The following DISP1 variants were observed in gnomAD, a reference collection of about 807,000 sequenced individuals.
The protein encoded by DISP1 is dispatched RND transporter family member 1.
In DISP1, 30 loss-of-function variants were observed where a neutral mutation model predicts 37.3. The ratio of observed to expected loss-of-function variants is 0.80; its 90% CI spans 0.60 to 1.09. The LOEUF is 1.09. Ranked by LOEUF, DISP1 falls within the 50% of genes least tolerant of loss-of-function variation. The pLI is 0.00. For synonymous variants in DISP1, 634 were observed against 690.2 expected (o/e 0.92, Z 1.28); for missense variants, 1,598 against 1,879.5 (o/e 0.85, Z 2.77).
At chr1:222,936,880 A>ATATATTATT (rs1558340337) in intron 2 of DISP1, among the ~76,000 whole-genome samples, 7 of 57,744 alleles carry the variant, frequency 1.2e-4, no homozygotes, top group African/African-American at 4.5e-4. Flanking sequence ...CATATATATG[A>ATATATTATT]TATATATAAT....
intron 4 of DISP1, 92 bp downstream of exon 4, chr1:222,983,201 A>T: frequency 4.0e-6 from 4 of 991,610 alleles, no homozygotes; most frequent in Non-Finnish European, 3.2e-6. Flanking sequence ...TGTTCTTTTC[A>T]CTTTCCTCAT....
chr1:222,896,151 TG>T (rs551462847), intron 1 of DISP1, among the ~76,000 whole-genome samples: 6 of 151,054 alleles, frequency 4.0e-5, no homozygotes, highest in Non-Finnish European at 8.8e-5. Flanking sequence ...TCTCTACAAA[TG>T]AAAAAAATTA....
chr1:222,934,336 G>A (rs1282249056), intron 2 of DISP1, among the ~76,000 whole-genome samples: 1 of 151,950 alleles, frequency 6.6e-6, no homozygotes, highest in African/African-American at 2.4e-5. Context: ...GTGAAAAAAG[G>A]GGCTTGACAT....
At chr1:222,941,204 A>G (rs1674362914) in intron 2 of DISP1, among the ~76,000 whole-genome samples, 1 of 152,166 alleles carries the variant, frequency 6.6e-6, no homozygotes, top group Non-Finnish European at 1.5e-5. Flanking sequence ...GCTAGTTTAG[A>G]TAATACATTA....
Position 222,838,314 on chromosome 1 carries a change from C to T in DISP1, c.-159+23236C>T, listed in dbSNP as rs889098267. On this transcript the variant is annotated intron_variant, in intron 1 of 8. Transcript: ENST00000675850. ...ATGGGAAATTATCTTGTATTATATCCCTGATAATTTTTATTCCCATTTTTT... is the reference window on the plus strand; with the variant it reads ...ATGGGAAATTATCTTGTATTATATCTCTGATAATTTTTATTCCCATTTTTT... Among the ~76,000 whole-genome samples, 19 of 151,754 alleles carry T rather than the reference C, an allele frequency of 1.3e-4. 1 individual carries two copies. Among genetic ancestry groups the T allele is most frequent in the Admixed American group, 3.3e-4 (5 of 15,230 alleles).
intron 1 of DISP1, among the ~76,000 whole-genome samples, chr1:222,921,124 A>C (rs1672786523): frequency 6.6e-6 from 1 of 152,176 alleles, no homozygotes; most frequent in African/African-American, 2.4e-5. Flanking sequence ...ACCCTGGGCA[A>C]CATGGTGAAA....
chr1:222,840,738 A>G (rs1393664524), intron 1 of DISP1, among the ~76,000 whole-genome samples: 1 of 150,872 alleles, frequency 6.6e-6, no homozygotes, highest in African/African-American at 2.4e-5. Flanking sequence ...AATTTTTTGT[A>G]TTTTTAGTAG....
intron 1 of DISP1, among the ~76,000 whole-genome samples, chr1:222,867,263 ATTG>A (rs1669246763): frequency 6.6e-6 from 1 of 152,158 alleles, no homozygotes; most frequent in Non-Finnish European, 1.5e-5. Context: ...AATCATTTTT[ATTG>A]TTTTCAAGAT....
At chr1:222,873,758 A>G (rs1314256644) in intron 1 of DISP1, among the ~76,000 whole-genome samples, 1 of 152,146 alleles carries the variant, frequency 6.6e-6, no homozygotes, top group African/African-American at 2.4e-5. Flanking sequence ...TAATTGGAGC[A>G]TTTAGCCCAT....
chr1:222,822,372 C>T (rs1398029476), intron 1 of DISP1, among the ~76,000 whole-genome samples: 1 of 152,152 alleles, frequency 6.6e-6, no homozygotes, highest in African/African-American at 2.4e-5. Context: ...TTAAGCTTGA[C>T]AAGAACCTCT....
intron 3 of DISP1, among the ~76,000 whole-genome samples, chr1:222,959,713 A>AG (rs1414665822): frequency 1.7e-4 from 25 of 150,462 alleles, no homozygotes; most frequent in East Asian, 5.8e-4. Flanking sequence ...AAAAAAAAAA[A>AG]AAAGAAAGAA....
At chr1:222,975,500 C>T in intron 3 of DISP1, among the ~76,000 whole-genome samples, 1 of 152,204 alleles carries the variant, frequency 6.6e-6, no homozygotes, top group East Asian at 1.9e-4. Context: ...AAGAAACAGA[C>T]AATTTGGAGC....
rs994519089 is a variant in DISP1 at position 222,859,247 on chromosome 1, C to T, written c.-159+44169C>T. Among the ~76,000 whole-genome samples the T allele has an allele frequency of 5.9e-5, 9 of 152,120 alleles. 1 individual carries two copies. Among genetic ancestry groups the T allele is most frequent in the South Asian group, 4.1e-4 (2 of 4,834 alleles). On this transcript the variant is annotated intron_variant, in intron 1 of 8. Coordinates refer to ENST00000675850, the MANE Select transcript of DISP1 (RefSeq NM_001377229.1). ...AACACAGGAATAGAAAACCAAACAC[C>T]GCATGTTCTCACTTATGAGTGGGAG...
chr1:222,871,363 T>C (rs1669561827), intron 1 of DISP1, among the ~76,000 whole-genome samples: 1 of 152,182 alleles, frequency 6.6e-6, no homozygotes. Flanking sequence ...TGGCACTGAA[T>C]CTATAAATTA....
chr1:222,835,699 C>T (rs1372415032), intron 1 of DISP1, among the ~76,000 whole-genome samples: 1 of 152,140 alleles, frequency 6.6e-6, no homozygotes, highest in African/African-American at 2.4e-5. Context: ...CGCCTGTAAT[C>T]CCAGCACTTT....
chr1:222,898,208 G>A (rs1468474900), intron 1 of DISP1, among the ~76,000 whole-genome samples: 2 of 152,164 alleles, frequency 1.3e-5, no homozygotes, highest in African/African-American at 4.8e-5. Flanking sequence ...GGTGGAAAAA[G>A]CCTGCACTAG....
chr1:222,851,493 T>C (rs1668230880), intron 1 of DISP1, among the ~76,000 whole-genome samples: 2 of 152,196 alleles, frequency 1.3e-5, no homozygotes, highest in Non-Finnish European at 2.9e-5. Context: ...AGCTGATTTG[T>C]TGAGCCTCTC....
intron 3 of DISP1, among the ~76,000 whole-genome samples, chr1:222,943,841 G>A (rs1674561957): frequency 6.6e-6 from 1 of 152,004 alleles, no homozygotes; most frequent in South Asian, 2.1e-4. Context: ...CCAGCCTGAC[G>A]AACATGGACA....
chr1:222,981,694 C>G (rs531755894), intron 3 of DISP1, among the ~76,000 whole-genome samples: 116 of 152,190 alleles, frequency 7.6e-4, no homozygotes, highest in Non-Finnish European at 1.4e-3. Flanking sequence ...TCAAGAAATT[C>G]CAAGGTAGGG....
Sources: gnomAD v4.1 joint callset for allele counts (sites outside exome capture counted in the v4.1 genomes callset) on GRCh38, gnomAD v4.1.1 for gene constraint, MANE v1.5 for transcripts, NCBI Gene and HGNC (gene_info 2026-07-23, HGNC 2026-07-21) for gene names.